ZNF521: variants seen among roughly 807,000 people sequenced by gnomAD.
ZNF521 encodes zinc finger protein 521, also known as LYST-interacting protein 3.
In ZNF521, 14 loss-of-function variants were observed where a neutral mutation model predicts 105.5. The observed-to-expected ratio is 0.13, with a 90% CI of 0.09 to 0.21. ZNF521 has a LOEUF of 0.21. ZNF521 is among the 10% of genes least tolerant of loss of function. The pLI, the probability that ZNF521 is intolerant of heterozygous loss-of-function variation, is 1.00. For synonymous variants in ZNF521, 635 were observed against 606.0 expected, an observed-to-expected ratio of 1.05 and a Z score of -0.70; for missense variants, 1,233 against 1,629.7, an observed-to-expected ratio of 0.76 and a Z score of 4.19.
chr18:25,208,811 C>T (rs1229561927), intron 4 of ZNF521, among the ~76,000 whole-genome samples: 1 of 152,190 alleles, frequency 6.6e-6, no homozygotes, highest in Non-Finnish European at 1.5e-5. Context: ...TCCTGAGTAG[C>T]TGAACTGCTG....
Position 25,227,707 on chromosome 18 carries a change from G to A in ZNF521, c.221-10C>T, listed in dbSNP as rs767071353. The A allele has an allele frequency of 1.2e-6, 2 of 1,601,274 alleles. No homozygotes were observed. The highest frequency in any genetic ancestry group is 1.7e-6 in the Non-Finnish European group (2 of 1,173,208). On this transcript the variant is annotated splice_polypyrimidine_tract_variant and intron_variant, in intron 3 of 7. Coordinates refer to ENST00000361524, the MANE Select transcript of ZNF521 (RefSeq NM_015461.3). This position sits in a 1 kb window ranked among gnomAD's most constrained non-coding sequence, Gnocchi z 5.7. ...TCAACATCCACTCCATCTGCAACAA[G>A]AAGCAATGACAAATTTCATCTGACA... is the stretch of plus-strand genomic sequence containing the variant.
At chr18:25,292,485 TG>T (rs1444137536) in intron 3 of ZNF521, among the ~76,000 whole-genome samples, 1 of 152,184 alleles carries the variant, frequency 6.6e-6, no homozygotes, top group Non-Finnish European at 1.5e-5. Context: ...AGAGCTTTTT[TG>T]TAACATCATG....
In ZNF521 at chr18:25,211,746, TTTTA is replaced by T. The variant is rs201459192; in HGVS notation, c.3573+12595_3573+12598del. Among the ~76,000 whole-genome samples the T allele has an allele frequency of 4.9e-3, 750 of 152,324 alleles. 5 individuals carry two copies. Among genetic ancestry groups the T allele is most frequent in the African/African-American group, 0.017 (703 of 41,572 alleles). On this transcript the variant is annotated intron_variant, in intron 4 of 7. Transcript: ENST00000361524. Reference sequence around the variant, plus strand: ...ATTATTTTTAACGTTGCTGAACATATTTTATTTGTGATTTATATTGTGTGGGCTT... The same window carrying T: ...ATTATTTTTAACGTTGCTGAACATATTTTGTGATTTATATTGTGTGGGCTT...
chr18:25,096,265 G>A (rs1016499930), intron 5 of ZNF521, among the ~76,000 whole-genome samples: 14 of 152,102 alleles, frequency 9.2e-5, no homozygotes, highest in Non-Finnish European at 2.1e-4. Context: ...AGTAGGAAAC[G>A]TGCTAATCAC....
At chr18:25,166,293 G>A (rs2035340312) in intron 5 of ZNF521, among the ~76,000 whole-genome samples, 2 of 152,064 alleles carry the variant, frequency 1.3e-5, no homozygotes, top group South Asian at 4.2e-4. Context: ...TAGCTCAAGT[G>A]GGAAGCATAA....
rs544174736 is a variant in ZNF521, at chr18:25,184,570, C to T, written c.3658+10590G>A. 4.6e-5 allele frequency among the ~76,000 whole-genome samples: 7 copies of T among 152,304 alleles called. No individual in the cohort carries two copies. In the East Asian group the frequency reaches 1.3e-3, roughly 29 times the overall value. On this transcript the variant is annotated intron_variant, in intron 5 of 7. Transcript: ENST00000361524. Reference sequence around the variant, plus strand: ...GATTAAGGTTTAAATTTCAATTCTACAGTATGTGCACTAGAAATGACAGCT... The same window carrying T: ...GATTAAGGTTTAAATTTCAATTCTATAGTATGTGCACTAGAAATGACAGCT...
intron 5 of ZNF521, among the ~76,000 whole-genome samples, chr18:25,161,600 T>C (rs1195249008): frequency 6.6e-6 from 1 of 152,192 alleles, no homozygotes; most frequent in African/African-American, 2.4e-5. Context: ...TTAATTTCAC[T>C]TAAAACTCTT....
At chr18:25,219,085 T>A (rs900925181) in intron 4 of ZNF521, among the ~76,000 whole-genome samples, 3 of 152,224 alleles carry the variant, frequency 2.0e-5, no homozygotes, top group African/African-American at 7.2e-5. Flanking sequence ...CTACTAGTAT[T>A]TTCTTTTCTC....
chr18:25,102,604 T>G (rs549339487), intron 5 of ZNF521, among the ~76,000 whole-genome samples: 1 of 152,194 alleles, frequency 6.6e-6, no homozygotes, highest in East Asian at 1.9e-4. Flanking sequence ...CATAGCTCCC[T>G]GCAGCCTCAA....
At chr18:25,327,811 C>T (rs1372419298) in intron 2 of ZNF521, 3 of 391,612 alleles carry the variant, frequency 7.7e-6, no homozygotes, top group East Asian at 1.4e-4. Context: ...CCCGCACTCG[C>T]CTGCTGGTCT....
intron 3 of ZNF521, chr18:25,302,601 A>G (rs2145074279): frequency 6.6e-6 from 1 of 152,318 alleles, no homozygotes; most frequent in African/African-American, 2.4e-5. Flanking sequence ...TATATCCATA[A>G]GATGCCTGAT....
chr18:25,175,731 A>G (rs1386888410), intron 5 of ZNF521, among the ~76,000 whole-genome samples: 1 of 152,242 alleles, frequency 6.6e-6, no homozygotes, highest in African/African-American at 2.4e-5. Context: ...CCAATTGAGC[A>G]TACTGTCACA....
rs1906098610 is a variant in ZNF521 at position 25,225,983 on chromosome 18, G to A, written c.1935C>T (p.Ser645=). Reference sequence around the variant, plus strand: ...TTAGGTGAGTCTGAAAGCTGTCTAGGGATGTGTACTTAGCACCACATTGAT... The same window carrying A: ...TTAGGTGAGTCTGAAAGCTGTCTAGAGATGTGTACTTAGCACCACATTGAT... ...ICNQCGAKYT[S]LDSFQTHLKT... The change falls in exon 4 of 8, where the codon TCC becomes TCT. Residue 645 remains serine, a synonymous_variant. Transcript: ENST00000361524. This position sits in a 1 kb window ranked among gnomAD's most constrained non-coding sequence, Gnocchi z 5.6. 4 of 1,614,000 alleles carry A rather than the reference G, an allele frequency of 2.5e-6. No homozygotes were observed. Among genetic ancestry groups the A allele is most frequent in the Admixed American group, 3.3e-5 (2 of 60,000 alleles).
At chr18:25,125,951 C>T (rs184025058) in intron 5 of ZNF521, among the ~76,000 whole-genome samples, 127 of 151,930 alleles carry the variant, frequency 8.4e-4, no homozygotes, top group African/African-American at 2.5e-3. Context: ...AGCTTTTTGG[C>T]GTCAGAATAT....
chr18:25,159,320 T>C (rs186953034), intron 5 of ZNF521, among the ~76,000 whole-genome samples: 64 of 152,368 alleles, frequency 4.2e-4, no homozygotes, highest in Middle Eastern at 3.4e-3. Context: ...TTATTTGCTA[T>C]GTTGCCCAAA....
At chr18:25,350,728 AC>A (rs923658964) in intron 2 of ZNF521, among the ~76,000 whole-genome samples, 178 bp downstream of exon 2, 3 of 111,982 alleles carry the variant, frequency 2.7e-5, no homozygotes, top group Non-Finnish European at 5.6e-5. Context: ...GTCTCCCCCC[AC>A]CCCGACACCT....
At chr18:25,070,122 TAAAG>T (rs368230719) in intron 7 of ZNF521, among the ~76,000 whole-genome samples, 4 of 152,152 alleles carry the variant, frequency 2.6e-5, no homozygotes, top group African/African-American at 9.7e-5. Flanking sequence ...TACAAGATAT[TAAAG>T]AAGGAAAAGG....
chr18:25,300,758 G>T (rs531190980), intron 3 of ZNF521, among the ~76,000 whole-genome samples: 84 of 152,280 alleles, frequency 5.5e-4, no homozygotes, highest in Non-Finnish European at 1.1e-3. Flanking sequence ...TTTAATTTCA[G>T]TAAGGATAGA....
chr18:25,144,557 T>C (rs182086964), intron 5 of ZNF521, among the ~76,000 whole-genome samples: 5 of 152,252 alleles, frequency 3.3e-5, no homozygotes, highest in Admixed American at 2.6e-4. Context: ...TTTTTAAAGA[T>C]GCTAAATCAA....
Sources: allele counts gnomAD v4.1 joint callset (sites outside exome capture counted in the v4.1 genomes callset), GRCh38; gene constraint gnomAD v4.1.1; non-coding constraint Gnocchi (gnomAD v3.1); transcripts MANE v1.5; gene names NCBI Gene and HGNC (gene_info 2026-07-23, HGNC 2026-07-21).